The following GALNS variants were observed in gnomAD, a reference collection of about 807,000 sequenced individuals.
GALNS encodes the protein N-acetylgalactosamine-6-sulfatase.
GALNS carries 65 observed loss-of-function variants against 65.9 expected under a neutral mutation model. The ratio of observed to expected loss-of-function variants is 0.99; its 90% CI spans 0.81 to 1.21. GALNS has a LOEUF of 1.21. GALNS is among the 50% of genes most tolerant of loss of function. The probability of loss-of-function intolerance (pLI) is 0.00; values close to 1 mark genes in which losing one functional copy is unlikely to be tolerated. For missense variants in GALNS, 776 were observed against 700.7 expected, an observed-to-expected ratio of 1.11 and a Z score of -1.21; for synonymous variants, 346 against 288.9, an observed-to-expected ratio of 1.20 and a Z score of -2.00.
chr16:88,817,069 A>G (rs1024209980), intron 13 of GALNS: 1 of 985,250 alleles, frequency 1.0e-6, no homozygotes, highest in South Asian at 4.7e-5. Flanking sequence ...CATCTGAAGG[A>G]GCTGTGAAGA....
chr16:88,816,003 G>A, intron 13 of GALNS: 5 of 985,416 alleles, frequency 5.1e-6, no homozygotes, highest in Non-Finnish European at 6.0e-6. Context: ...AGAGGGCAGG[G>A]AAGGGGTAAG....
chr16:88,830,751 G>A (rs575013893), intron 9 of GALNS, among the ~76,000 whole-genome samples: 3 of 152,236 alleles, frequency 2.0e-5, no homozygotes, highest in South Asian at 2.1e-4. Flanking sequence ...GCGCACCCTC[G>A]CCCAGCCAGG....
At chr16:88,841,569 A>T (rs2143004907) in intron 3 of GALNS, among the ~76,000 whole-genome samples, 1 of 152,212 alleles carries the variant, frequency 6.6e-6, no homozygotes, top group East Asian at 1.9e-4. Flanking sequence ...ATTCCAGAAC[A>T]TTCCAGAACT....
intron 13 of GALNS, chr16:88,816,633 T>G (rs1909656528): frequency 1.2e-5 from 12 of 983,920 alleles, no homozygotes; most frequent in Non-Finnish European, 1.4e-5. Context: ...TGGTCCTCAC[T>G]GCTGGTAGGT....
rs188790359 is a variant in GALNS, at chr16:88,835,186, C to T, written c.898+27G>A. ...CGCTGACACGCTGGCTGTGGGGAAA[C>T]CGTGAGAAGTGACAGCGAGCACTCA... On this transcript the variant is annotated intron_variant, in intron 8 of 13. Transcript: ENST00000268695. 6.4e-4 allele frequency: 1,000 copies of T among 1,559,854 alleles called. 6 individuals carry two copies. In the African/African-American group the frequency reaches 0.013, roughly 20 times the overall value.
At chr16:88,851,160 G>T (rs1421073371) in intron 1 of GALNS, among the ~76,000 whole-genome samples, 1 of 152,122 alleles carries the variant, frequency 6.6e-6, no homozygotes, top group African/African-American at 2.4e-5. Flanking sequence ...GGTTACCATT[G>T]AACATCTAAA....
At chr16:88,840,276 G>C (rs1966903181) in intron 4 of GALNS, 1 of 154,530 alleles carries the variant, frequency 6.5e-6, no homozygotes, top group Non-Finnish European at 1.4e-5. Flanking sequence ...ACCGGCAGGA[G>C]CCACAGGCAG....
chr16:88,854,965 C>T lies in GALNS; in HGVS notation c.120+1793G>A, dbSNP rs533696941. 2.6e-3 allele frequency among the ~76,000 whole-genome samples: 399 copies of T among 152,308 alleles called. 1 individual carries two copies. The highest frequency in any genetic ancestry group is 9.0e-3 in the African/African-American group (376 of 41,564). On this transcript the variant is annotated intron_variant, in intron 1 of 13. Coordinates refer to ENST00000268695, the MANE Select transcript of GALNS (RefSeq NM_000512.5). ...GCCACAGAACAGGTGCCCAGGTGGG[C>T]GGGGCTTCCTGTCACCCTCCCCCAC...
At chr16:88,847,852 C>A (rs1967322559) in intron 1 of GALNS, among the ~76,000 whole-genome samples, 1 of 152,220 alleles carries the variant, frequency 6.6e-6, no homozygotes, top group Non-Finnish European at 1.5e-5. Context: ...GGTACACGCC[C>A]AACAGAACTG....
chr16:88,833,941 G>T (rs963120710), intron 8 of GALNS, among the ~76,000 whole-genome samples: 1 of 152,232 alleles, frequency 6.6e-6, no homozygotes, highest in Admixed American at 6.5e-5. Context: ...GCCCCTGCTG[G>T]CTGGTGGTTG....
intron 4 of GALNS, among the ~76,000 whole-genome samples, chr16:88,838,261 G>C (rs181502746): frequency 1.4e-4 from 22 of 152,326 alleles, no homozygotes; most frequent in East Asian, 1.3e-3. Context: ...TCCCAGTTCA[G>C]GGCAATGGCC....
chr16:88,856,917 A>G lies in GALNS; in HGVS notation c.-40T>C. ...CCGCGGAGCCCCGGCCAGCGAGCCG[A>G]CCTAGCGAGCGTCCGCCGGCCCTTC... On this transcript the variant is annotated 5_prime_UTR_variant, in exon 1 of 14. Coordinates refer to ENST00000268695, the MANE Select transcript of GALNS (RefSeq NM_000512.5). 1.3e-6 allele frequency: 2 copies of G among 1,486,476 alleles called. No individual in the cohort carries two copies. The highest frequency in any genetic ancestry group is 1.8e-6 in the Non-Finnish European group (2 of 1,126,790). 92.1% of individuals were successfully genotyped at this position (1,486,476 alleles called of 1,614,324 possible).
rs1186737850 is a variant in GALNS, at chr16:88,856,896, G to C, written c.-19C>G. The stretch of plus-strand genomic sequence containing the variant: ...CCGCCATGGCAACCACGGGAGCCGC[G>C]GAGCCCCGGCCAGCGAGCCGACCTA... On this transcript the variant is annotated 5_prime_UTR_variant, in exon 1 of 14. Transcript: ENST00000268695. 1.3e-6 allele frequency: 2 copies of C among 1,502,274 alleles called. No homozygotes were observed. Among genetic ancestry groups the C allele is most frequent in the African/African-American group, 1.5e-5 (1 of 68,540 alleles). The allele number at this position is 1,502,274 out of a possible 1,614,324, so 93.1% of individuals were successfully genotyped here. A position where few individuals can be genotyped will look rare whatever the true frequency, so the allele number is the denominator to read the frequency against.
intron 11 of GALNS, among the ~76,000 whole-genome samples, chr16:88,824,076 A>G (rs915159454): frequency 2.6e-5 from 4 of 152,060 alleles, no homozygotes; most frequent in African/African-American, 4.8e-5. Context: ...TAGACTCTCC[A>G]TTACACTAAA....
chr16:88,814,376 C>T lies in GALNS; in HGVS notation c.*63G>A, dbSNP rs1909411906. 3.2e-6 allele frequency: 5 copies of T among 1,546,968 alleles called. No homozygotes were observed. Among genetic ancestry groups the T allele is most frequent in the South Asian group, 1.2e-5 (1 of 83,956 alleles). On this transcript the variant is annotated 3_prime_UTR_variant, in exon 14 of 14. Transcript: ENST00000268695. ...GGGGAGGACCGAGGCCAGAGCCATC[C>T]TTCCTCCAGGCACTTGCAGGGCCAA...
intron 3 of GALNS, 147 bp from the exon 4 acceptor site, chr16:88,841,241 TC>T: frequency 1.4e-6 from 1 of 709,954 alleles, no homozygotes; most frequent in Non-Finnish European, 2.5e-6. Context: ...GGGCTGCGCG[TC>T]CACAGGGCAT....
rs146054729 is a variant in GALNS, at chr16:88,855,305, G to A, written c.120+1453C>T. ...ACCTGCAGAGCCCAGCTCATCCAGC[G>A]AAGCTATGCTGGCCCAGAAGGAGTT... On this transcript the variant is annotated intron_variant, in intron 1 of 13. Transcript: ENST00000268695. 5.0e-5 allele frequency: 35 copies of A among 699,698 alleles called. 1 individual carries two copies. The highest frequency in any genetic ancestry group is 7.3e-5 in the Non-Finnish European group (28 of 383,940). 43.3% of individuals were successfully genotyped at this position (699,698 alleles called of 1,614,324 possible).
At chr16:88,847,003 C>T (rs570617911) in intron 1 of GALNS, among the ~76,000 whole-genome samples, 8 of 152,240 alleles carry the variant, frequency 5.3e-5, no homozygotes, top group South Asian at 4.2e-4. Flanking sequence ...CACACCTGGA[C>T]GGCAGGGAGG....
At chr16:88,849,249 G>C (rs1279117471) in intron 1 of GALNS, among the ~76,000 whole-genome samples, 1 of 152,100 alleles carries the variant, frequency 6.6e-6, no homozygotes, top group African/African-American at 2.4e-5. Flanking sequence ...TGAGTAGCTG[G>C]GACTACAGGC....
Sources: gnomAD v4.1 joint callset for allele counts (sites outside exome capture counted in the v4.1 genomes callset) on GRCh38, gnomAD v4.1.1 for gene constraint, MANE v1.5 for transcripts, NCBI Gene and HGNC (gene_info 2026-07-23, HGNC 2026-07-21) for gene names.